The following LDHAL6A variants were observed in gnomAD, a reference collection of about 807,000 sequenced individuals.
The protein encoded by LDHAL6A is L-lactate dehydrogenase A-like 6A.
Under a neutral mutation model 28.2 loss-of-function variants are expected in LDHAL6A, and 19 were observed. The ratio of observed to expected loss-of-function variants is 0.67; its 90% CI spans 0.47 to 0.99. The LOEUF is 0.99. LDHAL6A is among the 50% of genes least tolerant of loss of function. The pLI, the probability that LDHAL6A is intolerant of heterozygous loss-of-function variation, is 0.00. For missense variants in LDHAL6A, 372 were observed against 398.6 expected (o/e 0.93, Z 0.57); for synonymous variants, 144 against 134.4 (o/e 1.07, Z -0.49).
chr11:18,462,391 A>G (rs1012318464), intron 1 of LDHAL6A, among the ~76,000 whole-genome samples: 18 of 151,836 alleles, frequency 1.2e-4, no homozygotes, highest in African/African-American at 3.9e-4. Context: ...TAATCCCAGC[A>G]CTTTGGGAGG....
chr11:18,461,860 GAAA>G (rs34785727), intron 1 of LDHAL6A, among the ~76,000 whole-genome samples: 4 of 131,254 alleles, frequency 3.0e-5, no homozygotes, highest in African/African-American at 8.2e-5. Flanking sequence ...TCAAAAAAAA[GAAA>G]AAAAAAAAAA....
chr11:18,475,852 T>A (rs1384536229), intron 4 of LDHAL6A: 2 of 470,056 alleles, frequency 4.3e-6, no homozygotes, highest in African/African-American at 4.0e-5. Context: ...ATCCTACATA[T>A]GGATGGCTAG....
chr11:18,464,976 TGTTTTTTTTTGTTTTGTTTTG>T (rs1849013327), intron 2 of LDHAL6A, among the ~76,000 whole-genome samples: 1 of 9,556 alleles, frequency 1.0e-4, no homozygotes, highest in African/African-American at 2.8e-4. Flanking sequence ...GTGTTTTTTT[TGTTTTTTTTTGTTTTGTTTTG>T]TTTTGGTTTG....
At chr11:18,466,595 A>G (rs1849080518) in intron 3 of LDHAL6A, among the ~76,000 whole-genome samples, 1 of 148,736 alleles carries the variant, frequency 6.7e-6, no homozygotes, top group South Asian at 2.2e-4. Context: ...TCAAGGCTGC[A>G]GTGAGCCATG....
At chr11:18,473,689 G>T (rs1049257236) in intron 3 of LDHAL6A, among the ~76,000 whole-genome samples, 2 of 152,066 alleles carry the variant, frequency 1.3e-5, no homozygotes, top group African/African-American at 4.8e-5. Flanking sequence ...GTGAGCCACC[G>T]TGTCTGGCCT....
chr11:18,459,639 C>T (rs763100427), intron 1 of LDHAL6A, among the ~76,000 whole-genome samples: 7 of 152,170 alleles, frequency 4.6e-5, no homozygotes, highest in African/African-American at 1.4e-4. Context: ...GTACATTTGT[C>T]ACGATGAAAG....
Position 18,456,663 on chromosome 11 carries a change from C to T in LDHAL6A, c.-18C>T, listed in dbSNP as rs780088857. 6.2e-7 allele frequency: 1 copy of T among 1,612,492 alleles called. No homozygotes were observed. The highest frequency in any genetic ancestry group is 2.2e-5 in the East Asian group (1 of 44,838). On this transcript the variant is annotated 5_prime_UTR_variant, in exon 1 of 7. Transcript: ENST00000280706. Reference sequence around the variant, plus strand: ...TGGAAATGGCTGTGCAATTTGTCTTCACTGTTAGGTTTCCAAGATGGCAAC... The same window carrying T: ...TGGAAATGGCTGTGCAATTTGTCTTTACTGTTAGGTTTCCAAGATGGCAAC...
chr11:18,474,667 G>A (rs555934413), intron 3 of LDHAL6A, among the ~76,000 whole-genome samples: 33 of 152,220 alleles, frequency 2.2e-4, no homozygotes, highest in Non-Finnish European at 4.0e-4. Context: ...GATTACAGGC[G>A]TGAGCCACTG....
At position 18,473,410 on chromosome 11, in the gene LDHAL6A, CAGACAGAT is replaced by C. The variant is rs374799257; in HGVS notation, c.419-2052_419-2045del. On this transcript the variant is annotated intron_variant, in intron 3 of 6. Transcript: ENST00000280706. ...GTAGGTAGACAGACAGACAGACAGACAGACAGATAGATACAGGCTTTTGCTTTGTTACC... is the reference window on the plus strand; with the variant it reads ...GTAGGTAGACAGACAGACAGACAGACAGATACAGGCTTTTGCTTTGTTACC... Among the ~76,000 whole-genome samples, 239 of 152,216 alleles carry C rather than the reference CAGACAGAT, an allele frequency of 1.6e-3. 1 individual carries two copies. Among genetic ancestry groups the C allele is most frequent in the African/African-American group, 5.1e-3 (210 of 41,534 alleles).
intron 3 of LDHAL6A, 95 bp downstream of exon 3, chr11:18,465,905 G>A: frequency 1.9e-6 from 2 of 1,029,612 alleles, no homozygotes; most frequent in Admixed American, 2.3e-5. Context: ...TGAGGTTTGG[G>A]GTAGGATTGA....
rs1350967093 is a variant in LDHAL6A at position 18,465,647 on chromosome 11, C to T, written c.255C>T (p.Val85=). ...CTAATCTTTCCTCAGATTACCTGGT[C>T]ACTGCAAACTCCAATCTAGTGATTA... ...PNIVSSKDYL[V]TANSNLVIIT... Residue 85 remains valine, a synonymous_variant, in exon 3 of 7, where the codon GTC becomes GTT. Transcript: ENST00000280706. 6 of 1,611,712 alleles carry T rather than the reference C, an allele frequency of 3.7e-6. No individual in the cohort carries two copies. The highest frequency in any genetic ancestry group is 5.1e-6 in the Non-Finnish European group (6 of 1,179,182).
chr11:18,468,588 C>T (rs1485621693), intron 3 of LDHAL6A: 2 of 152,164 alleles, frequency 1.3e-5, no homozygotes, highest in African/African-American at 2.4e-5. Context: ...GATCTGCCCA[C>T]CTCAGCCTCC....
At chr11:18,470,650 C>G (rs1209463530) in intron 3 of LDHAL6A, among the ~76,000 whole-genome samples, 1 of 150,954 alleles carries the variant, frequency 6.6e-6, no homozygotes, top group Non-Finnish European at 1.5e-5. Context: ...ACATTACTAA[C>G]TTTATAGCAA....
intron 3 of LDHAL6A, among the ~76,000 whole-genome samples, chr11:18,474,082 ATTTTC>A (rs1337392881): frequency 6.6e-6 from 1 of 151,340 alleles, no homozygotes; most frequent in Admixed American, 6.6e-5. Flanking sequence ...TTTCTTTCTC[ATTTTC>A]TTTTCTTTTT....
intron 5 of LDHAL6A, among the ~76,000 whole-genome samples, chr11:18,477,402 T>C (rs576331535): frequency 2.2e-4 from 33 of 150,374 alleles, no homozygotes; most frequent in African/African-American, 7.3e-4. Context: ...GAGGTTGTAG[T>C]GAGCCGAGAT....
intron 3 of LDHAL6A, among the ~76,000 whole-genome samples, chr11:18,467,948 T>C (rs1264560070): frequency 9.6e-5 from 5 of 52,204 alleles, no homozygotes; most frequent in East Asian, 1.3e-3. Context: ...CACACACATA[T>C]ATATATACGT....
At chr11:18,466,156 T>C (rs1849066138) in intron 3 of LDHAL6A, among the ~76,000 whole-genome samples, 1 of 152,198 alleles carries the variant, frequency 6.6e-6, no homozygotes, top group Non-Finnish European at 1.5e-5. Flanking sequence ...TGATTTTGTT[T>C]TTTATGGCTG....
intron 1 of LDHAL6A, among the ~76,000 whole-genome samples, chr11:18,458,747 AATAC>A (rs1467408816): frequency 1.3e-5 from 2 of 151,792 alleles, no homozygotes; most frequent in Non-Finnish European, 2.9e-5. Flanking sequence ...GTTTTACCAT[AATAC>A]ATAAACTTTA....
Position 18,463,949 on chromosome 11 carries a change from A to C in LDHAL6A, c.127-12A>C. The C allele has an allele frequency of 6.4e-7, 1 of 1,574,148 alleles. No individual in the cohort carries two copies. The highest frequency in any genetic ancestry group is 8.7e-7 in the Non-Finnish European group (1 of 1,144,298). ...ATACACTCACACCCATTGGACTAACAATGTTTTTCAGGGTTTGAGTGATGA... is the reference window on the plus strand; with the variant it reads ...ATACACTCACACCCATTGGACTAACCATGTTTTTCAGGGTTTGAGTGATGA... On this transcript the variant is annotated splice_polypyrimidine_tract_variant and intron_variant, in intron 1 of 6. Transcript: ENST00000280706.
Sources: allele counts gnomAD v4.1 joint callset (sites outside exome capture counted in the v4.1 genomes callset), GRCh38; gene constraint gnomAD v4.1.1; transcripts MANE v1.5; gene names NCBI Gene and HGNC (gene_info 2026-07-23, HGNC 2026-07-21).